NHS: variants seen among roughly 807,000 people sequenced by gnomAD.
NHS encodes the protein NHS actin remodeling regulator, also known as actin remodeling regulator NHS.
Under a neutral mutation model 72.5 loss-of-function variants are expected in NHS, and 5 were observed. The observed-to-expected ratio is 0.07, with a 90% CI of 0.04 to 0.14. NHS has a LOEUF of 0.14. Among genes scored for constraint, NHS ranks in the 10% least tolerant of loss-of-function variants. The pLI is 1.00. For missense variants in NHS, 1,072 were observed against 1,355.7 expected (o/e 0.79, Z 3.29); for synonymous variants, 464 against 547.7 (o/e 0.85, Z 2.13).
At chrX:17,403,447 C>A (rs2064512389) in intron 1 of NHS, among the ~76,000 whole-genome samples, 1 of 111,570 alleles carries the variant, frequency 9.0e-6, no homozygotes, top group Non-Finnish European at 1.9e-5. Flanking sequence ...AGGGCTGGAT[C>A]ATTTTCTCCC....
At chrX:17,710,902 A>G (rs12557777) in intron 3 of NHS, among the ~76,000 whole-genome samples, 14,759 of 111,777 alleles carry the variant, frequency 0.13, 1,687 homozygotes, top group East Asian at 0.42. Flanking sequence ...GGCCTGAGTT[A>G]GCAGTGCAAA....
At chrX:17,535,875 C>G (rs1210477148) in intron 1 of NHS, among the ~76,000 whole-genome samples, 1 of 111,494 alleles carries the variant, frequency 9.0e-6, no homozygotes, top group Non-Finnish European at 1.9e-5. Flanking sequence ...AGCCACTGCA[C>G]CCAGCTGGTA....
At chrX:17,488,783 T>TTTTC (rs764771326) in intron 1 of NHS, among the ~76,000 whole-genome samples, 33 of 112,071 alleles carry the variant, frequency 2.9e-4, no homozygotes, top group Admixed American at 1.0e-3. Flanking sequence ...TGTATTCTTT[T>TTTTC]TTTCTTTCTT....
intron 1 of NHS, among the ~76,000 whole-genome samples, chrX:17,510,893 G>C (rs1347959290): frequency 8.9e-6 from 1 of 111,844 alleles, no homozygotes; most frequent in Admixed American, 9.5e-5. Context: ...TTATTCATTT[G>C]ACCAGCCTCA....
Position 17,732,188 on chromosome X carries a change from C to T in NHS, c.4680C>T (p.Thr1560=), listed in dbSNP as rs1380098211. 2.5e-6 allele frequency: 3 copies of T among 1,211,921 alleles called. No individual in the cohort carries two copies. Among genetic ancestry groups the T allele is most frequent in the South Asian group, 3.5e-5 (2 of 56,985 alleles). The change falls in exon 9 of 9, where the codon ACC becomes ACT. Residue 1560 remains threonine (T), a synonymous_variant. Coordinates refer to ENST00000676302, the MANE Select transcript of NHS (RefSeq NM_001291867.2). ...TCACAGCAGAGTCCCCTCAGAGCAC[C>T]GATGATGCCCATCAGGGGTCACAAG... is the stretch of plus-strand genomic sequence containing the variant. ...GELTAESPQS[T]DDAHQGSQGA... is the part of the protein sequence containing the mutation.
chrX:17,563,660 G>A (rs1438498337), intron 1 of NHS, among the ~76,000 whole-genome samples: 1 of 111,873 alleles, frequency 8.9e-6, no homozygotes, highest in East Asian at 2.8e-4. Context: ...AACCACAAAA[G>A]CCTCATAGGG....
At chrX:17,582,830 C>A (rs1381528684) in intron 1 of NHS, among the ~76,000 whole-genome samples, 1 of 112,530 alleles carries the variant, frequency 8.9e-6, no homozygotes, top group Non-Finnish European at 1.9e-5. Flanking sequence ...TAAGTGTGTG[C>A]TCACAGGCAG....
Position 17,724,163 on chromosome X carries a change from A to G in NHS, c.1109-136A>G, listed in dbSNP as rs1338184755. Reference sequence around the variant, plus strand: ...GCATAATTTAAATAAGAGCTGAATAACAGCTCCCTTATATTTGTTCACAGG... The same window carrying G: ...GCATAATTTAAATAAGAGCTGAATAGCAGCTCCCTTATATTTGTTCACAGG... On this transcript the variant is annotated intron_variant, in intron 5 of 8. Transcript: ENST00000676302. 10 of 754,083 alleles carry G rather than the reference A, an allele frequency of 1.3e-5. No homozygotes were observed. In the East Asian group the frequency reaches 3.2e-4, roughly 24 times the overall value. The allele number at this position is 754,083 out of a possible 1,213,427, so 62.1% of individuals were successfully genotyped here. A position where few individuals can be genotyped will look rare whatever the true frequency, so the allele number is the denominator to read the frequency against.
rs1026332275 is a variant in NHS at position 17,376,015 on chromosome X, A to G, written c.258A>G (p.Gly86=). 22 of 1,082,739 alleles carry G rather than the reference A, an allele frequency of 2.0e-5. 1 individual carries two copies. The Admixed American group carries it at 7.2e-4, about 36-fold the overall frequency. 89.2% of individuals were successfully genotyped at this position (1,082,739 alleles called of 1,213,427 possible). A position where few individuals can be genotyped will look rare whatever the true frequency, so the allele number is the denominator to read the frequency against. ...APADQTQPPH[G]EASVAGEEST... The stretch of plus-strand genomic sequence containing the variant: ...CCGACCAGACTCAGCCGCCGCACGG[A>G]GAGGCGTCCGTGGCTGGCGAGGAGA... The change falls in exon 1 of 9, where the codon GGA becomes GGG. Residue 86 remains glycine (G), a synonymous_variant. Transcript: ENST00000676302.
At chrX:17,450,242 G>C (rs1437418363) in intron 1 of NHS, among the ~76,000 whole-genome samples, 1 of 111,521 alleles carries the variant, frequency 9.0e-6, no homozygotes, top group Admixed American at 9.6e-5. Context: ...GCTAACACTT[G>C]AAAGGGGAGT....
intron 1 of NHS, among the ~76,000 whole-genome samples, chrX:17,393,502 T>C (rs772382717): frequency 2.7e-5 from 3 of 112,478 alleles, no homozygotes; most frequent in Non-Finnish European, 5.6e-5. Flanking sequence ...ACTTGCAAAC[T>C]CTGTGTAATT....
intron 1 of NHS, among the ~76,000 whole-genome samples, chrX:17,637,581 G>A (rs1307653091): frequency 8.9e-6 from 1 of 112,085 alleles, no homozygotes; most frequent in Non-Finnish European, 1.9e-5. Context: ...GTAGGACTTG[G>A]CAGATACTGC....
At chrX:17,470,269 A>G (rs146879260) in intron 1 of NHS, among the ~76,000 whole-genome samples, 2 of 110,323 alleles carry the variant, frequency 1.8e-5, no homozygotes, top group Non-Finnish European at 3.8e-5. Context: ...CTGCTCCCTT[A>G]ATTATCCAAA....
At chrX:17,656,022 C>T (rs1310201602) in intron 1 of NHS, among the ~76,000 whole-genome samples, 1 of 113,024 alleles carries the variant, frequency 8.8e-6, no homozygotes, top group Admixed American at 9.2e-5. Context: ...GCAGTCCTAA[C>T]GCAACAATGC....
intron 1 of NHS, among the ~76,000 whole-genome samples, chrX:17,541,082 TA>T (rs60858283): frequency 0.032 from 3,519 of 109,749 alleles, 125 homozygotes; most frequent in African/African-American, 0.11. Flanking sequence ...AAAAGTAAAT[TA>T]AAAAAAAAAT....
intron 1 of NHS, among the ~76,000 whole-genome samples, chrX:17,537,843 A>T (rs2065235812): frequency 8.9e-6 from 1 of 111,953 alleles, no homozygotes; most frequent in South Asian, 3.8e-4. Context: ...CTAAGAGACA[A>T]TGCCCGACTG....
intron 1 of NHS, among the ~76,000 whole-genome samples, chrX:17,426,229 G>T (rs1391009798): frequency 9.0e-6 from 1 of 111,610 alleles, no homozygotes; most frequent in Non-Finnish European, 1.9e-5. Flanking sequence ...GGCAAATAAG[G>T]GTCCCCACCA....
chrX:17,428,824 G>GTC (rs1213825586), intron 1 of NHS, among the ~76,000 whole-genome samples: 32 of 109,306 alleles, frequency 2.9e-4, no homozygotes, highest in African/African-American at 8.3e-4. Flanking sequence ...GAATGCACAT[G>GTC]TCTCTCTCTC....
chrX:17,391,086 A>C (rs981757181), intron 1 of NHS, among the ~76,000 whole-genome samples: 13 of 111,679 alleles, frequency 1.2e-4, no homozygotes, highest in African/African-American at 4.2e-4. Context: ...ACCCTCTTTT[A>C]ATTATCAATT....
Sources: gnomAD v4.1 joint callset for allele counts (sites outside exome capture counted in the v4.1 genomes callset) on GRCh38, gnomAD v4.1.1 for gene constraint, MANE v1.5 for transcripts, NCBI Gene and HGNC (gene_info 2026-07-23, HGNC 2026-07-21) for gene names.